Variants in NLGN1 observed in about 807,000 individuals in gnomAD.
NLGN1 encodes neuroligin 1.
In NLGN1, 12 loss-of-function variants were observed where a neutral mutation model predicts 65.5. The ratio of observed to expected loss-of-function variants is 0.18; its 90% CI spans 0.12 to 0.30. The LOEUF (loss-of-function observed/expected upper bound fraction) is 0.30, where lower values mean the gene tolerates loss of function less well. Among genes scored for constraint, NLGN1 ranks in the 10% least tolerant of loss-of-function variants. The pLI, the probability that NLGN1 is intolerant of heterozygous loss-of-function variation, is 1.00. For missense variants in NLGN1, 750 were observed against 1,007.1 expected, an observed-to-expected ratio of 0.74 and a Z score of 3.46; for synonymous variants, 350 against 359.5, an observed-to-expected ratio of 0.97 and a Z score of 0.30.
intron 4 of NLGN1, among the ~76,000 whole-genome samples, chr3:174,149,871 A>G (rs1724012854): frequency 6.6e-6 from 1 of 152,140 alleles, no homozygotes. Flanking sequence ...AAAGGAAAAC[A>G]AGCTGGATTA....
intron 2 of NLGN1, among the ~76,000 whole-genome samples, chr3:173,536,710 A>G (rs1015100177): frequency 3.9e-5 from 6 of 152,220 alleles, no homozygotes; most frequent in Admixed American, 1.3e-4. Context: ...TGTATTAGTC[A>G]GGACTCTCCA....
At chr3:174,098,415 A>G (rs549056009) in intron 4 of NLGN1, among the ~76,000 whole-genome samples, 16 of 152,312 alleles carry the variant, frequency 1.1e-4, no homozygotes, top group African/African-American at 3.1e-4. Flanking sequence ...ATTTACCTCT[A>G]TACCCACCTA....
intron 4 of NLGN1, among the ~76,000 whole-genome samples, chr3:173,948,716 T>C (rs1747657177): frequency 6.6e-6 from 1 of 152,192 alleles, no homozygotes. Flanking sequence ...GTGATATTTG[T>C]CTCAAACTGT....
chr3:173,609,857 A>C (rs1020242580), intron 3 of NLGN1, among the ~76,000 whole-genome samples: 1 of 151,952 alleles, frequency 6.6e-6, no homozygotes, highest in Non-Finnish European at 1.5e-5. Context: ...ATGGAGAGTG[A>C]AAATAGTTAA....
At chr3:173,792,592 A>G (rs1713045484) in intron 3 of NLGN1, among the ~76,000 whole-genome samples, 2 of 152,160 alleles carry the variant, frequency 1.3e-5, no homozygotes, top group South Asian at 4.1e-4. Context: ...CACAAGGTCT[A>G]AGGATGAAGT....
rs144003971 is a variant in NLGN1, at chr3:174,004,639, A to G, written c.646+196807A>G. Among the ~76,000 whole-genome samples the G allele has an allele frequency of 1.9e-3, 293 of 152,260 alleles. 1 individual carries two copies. Among genetic ancestry groups the G allele is most frequent in the African/African-American group, 6.8e-3 (283 of 41,576 alleles). On this transcript the variant is annotated intron_variant, in intron 4 of 6. Coordinates refer to ENST00000457714, the Ensembl canonical transcript of NLGN1. ...TGTGGATCTATGTTGGCTTCTTTTT[A>G]GTTGGTTATTTTCTGAATGCAAAGA...
intron 3 of NLGN1, among the ~76,000 whole-genome samples, chr3:173,707,935 A>G (rs1334772720): frequency 6.6e-6 from 1 of 152,210 alleles, no homozygotes; most frequent in Non-Finnish European, 1.5e-5. Flanking sequence ...TAAATTTTGT[A>G]ATTTGTTATT....
exon 7 of NLGN1, chr3:174,283,782 G>C (rs543363154): frequency 6.6e-6 from 1 of 151,502 alleles, no homozygotes; most frequent in South Asian, 2.1e-4. Context: ...GACTGAGGTG[G>C]TTATGCTTTT....
intron 3 of NLGN1, among the ~76,000 whole-genome samples, chr3:173,775,059 C>T (rs1780105533): frequency 6.6e-6 from 1 of 152,046 alleles, no homozygotes; most frequent in Non-Finnish European, 1.5e-5. Flanking sequence ...CAATTATAGT[C>T]AATAAAATAG....
chr3:173,929,749 G>A (rs1743723202), intron 4 of NLGN1, among the ~76,000 whole-genome samples: 1 of 147,840 alleles, frequency 6.8e-6, no homozygotes, highest in African/African-American at 2.5e-5. Flanking sequence ...TTGTTGCCCA[G>A]GCTGGAGTGC....
intron 4 of NLGN1, among the ~76,000 whole-genome samples, chr3:173,877,610 A>G (rs1005254720): frequency 2.6e-5 from 4 of 152,160 alleles, no homozygotes; most frequent in African/African-American, 9.7e-5. Context: ...GTAAGGTGCT[A>G]TCATAAAGGG....
chr3:174,272,238 C>A (rs1749535451), intron 4 of NLGN1, among the ~76,000 whole-genome samples: 1 of 151,632 alleles, frequency 6.6e-6, no homozygotes, highest in Non-Finnish European at 1.5e-5. Context: ...TTGAGCACTT[C>A]AATGTAAAGT....
At chr3:173,787,455 A>G (rs983827885) in intron 3 of NLGN1, among the ~76,000 whole-genome samples, 2 of 152,204 alleles carry the variant, frequency 1.3e-5, no homozygotes, top group Non-Finnish European at 2.9e-5. Flanking sequence ...ATTGGTAAAG[A>G]TATTTTTCTT....
At chr3:173,473,023 G>A (rs1725562503) in intron 2 of NLGN1, among the ~76,000 whole-genome samples, 1 of 152,056 alleles carries the variant, frequency 6.6e-6, no homozygotes. Flanking sequence ...ATATATTGAG[G>A]AATCAAATCT....
intron 4 of NLGN1, among the ~76,000 whole-genome samples, chr3:173,943,728 C>A (rs1746587780): frequency 6.6e-6 from 1 of 152,160 alleles, no homozygotes; most frequent in Non-Finnish European, 1.5e-5. Flanking sequence ...TTTTGCACAT[C>A]TCTTAGCATT....
chr3:173,556,543 A>G (rs1741730255), intron 2 of NLGN1, among the ~76,000 whole-genome samples: 1 of 152,150 alleles, frequency 6.6e-6, no homozygotes, highest in Non-Finnish European at 1.5e-5. Flanking sequence ...GGCTGGGTAC[A>G]GTGACTTATG....
chr3:173,430,918 AT>A (rs1180662841), intron 1 of NLGN1, among the ~76,000 whole-genome samples: 1 of 152,138 alleles, frequency 6.6e-6, no homozygotes, highest in Non-Finnish European at 1.5e-5. Flanking sequence ...AGCCAAATAT[AT>A]TTTCTTTATA....
chr3:173,921,294 T>A (rs191829955), intron 4 of NLGN1, among the ~76,000 whole-genome samples: 1 of 147,732 alleles, frequency 6.8e-6, no homozygotes, highest in Non-Finnish European at 1.5e-5. Context: ...TTAATATATA[T>A]TATATATTTC....
At chr3:174,207,201 G>GAA (rs11336101) in intron 4 of NLGN1, among the ~76,000 whole-genome samples, 11 of 136,698 alleles carry the variant, frequency 8.0e-5, no homozygotes, top group African/African-American at 2.2e-4. Flanking sequence ...GCTCATTCAT[G>GAA]AAAAAAAAAA....
Sources: gnomAD v4.1 joint callset for allele counts (sites outside exome capture counted in the v4.1 genomes callset) on GRCh38, gnomAD v4.1.1 for gene constraint, MANE v1.5 for transcripts, NCBI Gene and HGNC (gene_info 2026-07-23, HGNC 2026-07-21) for gene names.